The following MAST2 variants were observed in gnomAD, a reference collection of about 807,000 sequenced individuals.
MAST2 encodes microtubule-associated serine/threonine-protein kinase 2.
A neutral mutation model predicts 147.4 loss-of-function variants in MAST2; 70 were observed. The ratio of observed to expected loss-of-function variants is 0.47; its 90% CI spans 0.39 to 0.58. MAST2 has a LOEUF of 0.58. Ranked by LOEUF, MAST2 falls within the 20% of genes least tolerant of loss-of-function variation. The pLI is 0.00. For missense variants in MAST2, 2,080 were observed against 2,302.3 expected (o/e 0.90, Z 1.98); for synonymous variants, 869 against 896.8 (o/e 0.97, Z 0.55).
intron 9 of MAST2, among the ~76,000 whole-genome samples, chr1:46,008,635 A>T (rs1430136936): frequency 6.6e-6 from 1 of 152,236 alleles, no homozygotes; most frequent in Non-Finnish European, 1.5e-5. Flanking sequence ...AGAGTTATCC[A>T]GAGGGGAATG....
chr1:46,010,055 C>A (rs926181704), intron 9 of MAST2, among the ~76,000 whole-genome samples: 2 of 151,876 alleles, frequency 1.3e-5, no homozygotes, highest in South Asian at 2.1e-4. Context: ...TATCCACAGT[C>A]CCCCCATTCC....
Position 46,033,846 on chromosome 1 carries a change from A to G in MAST2, c.3582A>G (p.Thr1194=), listed in dbSNP as rs1468803224. The G allele has an allele frequency of 1.9e-6, 3 of 1,614,178 alleles. No homozygotes were observed. Among genetic ancestry groups the G allele is most frequent in the Non-Finnish European group, 2.5e-6 (3 of 1,180,026 alleles). ...VAISTTPLEN[T]SIKVGPARKG... ...TTTCAACAACTCCCCTGGAGAACAC[A>G]TCCATTAAAGTGGGGCCAGCTCGGA... The change falls in exon 27 of 29, where the codon ACA becomes ACG. Residue 1194 remains threonine, a synonymous_variant. Transcript: ENST00000361297.
chr1:45,976,935 G>A (rs1311301970), intron 5 of MAST2, among the ~76,000 whole-genome samples: 3 of 152,154 alleles, frequency 2.0e-5, no homozygotes, highest in Non-Finnish European at 4.4e-5. Flanking sequence ...AAATTTACAC[G>A]TATTCAGACA....
intron 4 of MAST2, among the ~76,000 whole-genome samples, chr1:45,945,233 C>G (rs183167486): frequency 1.5e-4 from 23 of 152,254 alleles, no homozygotes; most frequent in Admixed American, 1.2e-3. Context: ...CCTGGGAGGT[C>G]AAGTCTATAG....
At chr1:45,916,557 TACATAGTTAACTG>T (rs1422785554) in intron 4 of MAST2, among the ~76,000 whole-genome samples, 2 of 152,316 alleles carry the variant, frequency 1.3e-5, no homozygotes, top group East Asian at 3.9e-4. Context: ...AGAAGCAAAA[TACATAGTTAACTG>T]ACATTATATG....
intron 16 of MAST2, among the ~76,000 whole-genome samples, chr1:46,027,394 T>C (rs1047922226): frequency 2.0e-5 from 3 of 152,210 alleles, no homozygotes; most frequent in Non-Finnish European, 4.4e-5. Context: ...CTCCAGCAGC[T>C]GCCTTAGGAT....
Position 46,031,245 on chromosome 1 carries a change from A to G in MAST2, c.2947A>G (p.Lys983Glu), listed in dbSNP as rs1646652301. ...VTEHSGEQRPKLDEEAVGRSS... is the reference protein window; with the variant it reads ...VTEHSGEQRPELDEEAVGRSS... ...TGAACACTCAGGGGAGCAGCGGCCA[A>G]AGCTGGATGAGGAAGCTGTTGGCCG... The change falls in exon 23 of 29, where the codon AAG becomes GAG. Residue 983 changes from lysine (K) to glutamate (E), a missense_variant. This residue lies in a region of MAST2 where 1,278 missense variants were observed against 1,304.2 expected (regional missense o/e 0.98). Coordinates refer to ENST00000361297, the MANE Select transcript of MAST2 (RefSeq NM_015112.3). This position sits in a 1 kb window ranked among gnomAD's most constrained non-coding sequence, Gnocchi z 4.1. 7.8e-6 allele frequency: 12 copies of G among 1,537,130 alleles called. No homozygotes were observed. Among genetic ancestry groups the G allele is most frequent in the Non-Finnish European group, 7.9e-6 (9 of 1,139,584 alleles).
At chr1:45,915,325 A>G (rs144228942) in intron 4 of MAST2, among the ~76,000 whole-genome samples, 105 of 152,308 alleles carry the variant, frequency 6.9e-4, no homozygotes, top group African/African-American at 2.5e-3. Flanking sequence ...AGTAGTTTGT[A>G]TATCACCTTT....
chr1:46,013,641 T>C (rs1645808728), intron 10 of MAST2, among the ~76,000 whole-genome samples: 1 of 151,376 alleles, frequency 6.6e-6, no homozygotes, highest in East Asian at 1.9e-4. Flanking sequence ...GATCATGCCA[T>C]TGTACTCCAG....
At chr1:46,015,254 CAATT>C (rs1645886982) in intron 10 of MAST2, among the ~76,000 whole-genome samples, 1 of 151,864 alleles carries the variant, frequency 6.6e-6, no homozygotes, top group Admixed American at 6.6e-5. Context: ...CCTAACATCA[CAATT>C]AAAAGAACTA....
At chr1:45,955,927 A>G (rs1659592197) in intron 4 of MAST2, among the ~76,000 whole-genome samples, 1 of 152,232 alleles carries the variant, frequency 6.6e-6, no homozygotes, top group African/African-American at 2.4e-5. Flanking sequence ...TGATTGGAAT[A>G]TAATAGATTG....
At chr1:45,876,275 G>T (rs889333154) in intron 3 of MAST2, among the ~76,000 whole-genome samples, 3 of 152,198 alleles carry the variant, frequency 2.0e-5, no homozygotes, top group African/African-American at 7.2e-5. Flanking sequence ...AGAGACATTG[G>T]ATGTAGATAA....
Position 46,033,878 on chromosome 1 carries a change from G to A in MAST2, c.3614G>A (p.Ser1205Asn). ...SIKVGPARKG[S>N]YKAKMARRSK... ...AAAGTGGGGCCAGCTCGGAAGGGCA[G>A]CTACAAGGCCAAGATGGCCCGAAGG... The change falls in exon 27 of 29, where the codon AGC becomes AAC. Residue 1205 changes from serine (S) to asparagine (N), a missense_variant. Physicochemically the swap from Ser to Asn is conservative, Grantham distance 46. Around this residue, in one of 4 missense-constraint regions of MAST2, gnomAD observed 1,278 missense variants for 1,304.2 expected, o/e 0.98. Transcript: ENST00000361297. 3 of 1,614,208 alleles carry A rather than the reference G, an allele frequency of 1.9e-6. No homozygotes were observed. Among genetic ancestry groups the A allele is most frequent in the Non-Finnish European group, 2.5e-6 (3 of 1,180,026 alleles).
intron 4 of MAST2, among the ~76,000 whole-genome samples, chr1:45,900,160 A>ACT (rs1222471064): frequency 4.6e-5 from 5 of 108,726 alleles, no homozygotes; most frequent in Admixed American, 1.2e-4. Flanking sequence ...ACAGAGCGAG[A>ACT]CTCTCTCTCT....
At chr1:45,872,302 A>T (rs138118266) in intron 3 of MAST2, among the ~76,000 whole-genome samples, 1 of 152,294 alleles carries the variant, frequency 6.6e-6, no homozygotes, top group Non-Finnish European at 1.5e-5. Flanking sequence ...GACATAAAGG[A>T]CAAGGACCAG....
chr1:45,891,022 G>GCA (rs34495449), intron 4 of MAST2, among the ~76,000 whole-genome samples: 51,628 of 151,896 alleles, frequency 0.34, 9,152 homozygotes, highest in African/African-American at 0.44. Flanking sequence ...AGGAAATCTG[G>GCA]CAGATATATT....
intron 3 of MAST2, among the ~76,000 whole-genome samples, chr1:45,856,824 G>A (rs1171836391): frequency 1.3e-5 from 2 of 151,648 alleles, no homozygotes; most frequent in Admixed American, 6.6e-5. Flanking sequence ...GAATGTATAT[G>A]TCATGAGGGT....
intron 4 of MAST2, among the ~76,000 whole-genome samples, chr1:45,948,112 C>T (rs769816458): frequency 1.1e-4 from 17 of 152,222 alleles, no homozygotes; most frequent in Non-Finnish European, 2.5e-4. Flanking sequence ...CCGCCAACAG[C>T]AGCCAGGGAG....
In MAST2 at chr1:46,019,661, T is replaced by G. The variant is rs755970423; in HGVS notation, c.1254T>G (p.Ile418Met). 14 of 1,614,184 alleles carry G rather than the reference T, an allele frequency of 8.7e-6. No individual in the cohort carries two copies. Among genetic ancestry groups the G allele is most frequent in the Non-Finnish European group, 1.2e-5 (14 of 1,180,018 alleles). The change falls in exon 11 of 29, where the codon ATT becomes ATG. Residue 418 changes from isoleucine to methionine, a missense_variant. By Grantham distance (10) the Ile-to-Met change is conservative. Transcript: ENST00000361297. ...FVMQLVKKLMIIIARPARLLE... is the reference protein window; with the variant it reads ...FVMQLVKKLMMIIARPARLLE... ...TGCAGCTGGTGAAAAAGCTGATGAT[T>G]ATCATTGCCCGCCCAGCACGTCTCC... is the stretch of plus-strand genomic sequence containing the variant.
Sources: allele counts gnomAD v4.1 joint callset (sites outside exome capture counted in the v4.1 genomes callset), GRCh38; gene constraint gnomAD v4.1.1; regional missense constraint gnomAD v4.1.1; non-coding constraint Gnocchi (gnomAD v3.1); transcripts MANE v1.5; gene names NCBI Gene and HGNC (gene_info 2026-07-23, HGNC 2026-07-21).